CDKAL1: variants seen among roughly 807,000 people sequenced by gnomAD.
CDKAL1 encodes the protein threonylcarbamoyladenosine tRNA methylthiotransferase.
CDKAL1 carries 32 observed loss-of-function variants against 68.2 expected under a neutral mutation model. The ratio of observed to expected loss-of-function variants is 0.47; its 90% CI spans 0.35 to 0.63. CDKAL1 has a LOEUF of 0.63. Ranked by LOEUF, CDKAL1 falls within the 30% of genes least tolerant of loss-of-function variation. The pLI, the probability that CDKAL1 is intolerant of heterozygous loss-of-function variation, is 0.00. For missense variants in CDKAL1, 606 were observed against 696.7 expected (o/e 0.87, Z 1.47); for synonymous variants, 234 against 244.3 (o/e 0.96, Z 0.39).
intron 5 of CDKAL1, among the ~76,000 whole-genome samples, chr6:20,730,374 C>T (rs1468310704): frequency 7.3e-6 from 1 of 136,482 alleles, no homozygotes; most frequent in Non-Finnish European, 1.6e-5. Context: ...ATAGATGGAG[C>T]CCGACCCGAA....
chr6:21,171,703 T>C (rs531091424), intron 13 of CDKAL1, among the ~76,000 whole-genome samples: 269 of 152,282 alleles, frequency 1.8e-3, no homozygotes, highest in Non-Finnish European at 2.8e-3. Flanking sequence ...AAATACCTCA[T>C]ACTATAGATG....
intron 2 of CDKAL1, among the ~76,000 whole-genome samples, chr6:20,542,658 G>A (rs1210189368): frequency 1.3e-5 from 2 of 151,782 alleles, no homozygotes; most frequent in African/African-American, 4.9e-5. Flanking sequence ...AGAGATCCTT[G>A]TACACTTTAC....
At chr6:20,909,770 G>A (rs768626772) in intron 9 of CDKAL1, among the ~76,000 whole-genome samples, 4 of 152,128 alleles carry the variant, frequency 2.6e-5, no homozygotes, top group Non-Finnish European at 5.9e-5. Context: ...ACCTTCCTAG[G>A]TAGGCCTCAG....
intron 8 of CDKAL1, among the ~76,000 whole-genome samples, chr6:20,800,271 G>A (rs1335433878): frequency 6.6e-6 from 1 of 152,188 alleles, no homozygotes; most frequent in East Asian, 1.9e-4. Context: ...GCAACATAAA[G>A]AAACTAACTC....
chr6:20,876,055 AG>A (rs1263158363), intron 9 of CDKAL1, among the ~76,000 whole-genome samples: 3 of 152,270 alleles, frequency 2.0e-5, no homozygotes, highest in Non-Finnish European at 4.4e-5. Context: ...ATCTAACTGC[AG>A]ATTCAAAATT....
chr6:20,909,045 T>C (rs1485699422), intron 9 of CDKAL1, among the ~76,000 whole-genome samples: 2 of 152,252 alleles, frequency 1.3e-5, no homozygotes, highest in Non-Finnish European at 2.9e-5. Flanking sequence ...CATCCTTTTC[T>C]AATAAACTAT....
At chr6:20,675,579 A>G (rs188838540) in intron 5 of CDKAL1, among the ~76,000 whole-genome samples, 2 of 152,302 alleles carry the variant, frequency 1.3e-5, no homozygotes, top group Admixed American at 6.5e-5. Context: ...TATCATAGCA[A>G]TTGTAATGTT....
chr6:21,036,109 C>CT (rs1769572130), intron 11 of CDKAL1, among the ~76,000 whole-genome samples: 1 of 152,134 alleles, frequency 6.6e-6, no homozygotes, highest in African/African-American at 2.4e-5. Flanking sequence ...ATGCTTAATG[C>CT]TTTAACTTTG....
intron 15 of CDKAL1, among the ~76,000 whole-genome samples, chr6:21,204,050 A>G (rs1300701481): frequency 6.6e-6 from 1 of 152,194 alleles, no homozygotes. Context: ...TTGTGCTCAC[A>G]TGCAGCCTAA....
chr6:21,001,112 T>A (rs1767404521), intron 11 of CDKAL1, among the ~76,000 whole-genome samples: 1 of 152,252 alleles, frequency 6.6e-6, no homozygotes, highest in Admixed American at 6.5e-5. Context: ...TCTACATCAC[T>A]GTTCTCCCCT....
intron 4 of CDKAL1, among the ~76,000 whole-genome samples, chr6:20,639,613 A>G (rs1191159850): frequency 6.6e-6 from 1 of 152,228 alleles, no homozygotes; most frequent in Non-Finnish European, 1.5e-5. Context: ...GTCCAAATAA[A>G]GAAAAATAAA....
At chr6:20,578,933 G>A (rs1175463258) in intron 4 of CDKAL1, among the ~76,000 whole-genome samples, 1 of 152,168 alleles carries the variant, frequency 6.6e-6, no homozygotes, top group East Asian at 1.9e-4. Flanking sequence ...GTTACTGGGT[G>A]GGAAAGAAAG....
chr6:21,173,068 T>C (rs944572496), intron 13 of CDKAL1, among the ~76,000 whole-genome samples: 2 of 151,692 alleles, frequency 1.3e-5, no homozygotes, highest in Admixed American at 1.3e-4. Context: ...TCAGTATTAA[T>C]TTTTTGTAAA....
chr6:21,037,549 A>G (rs1769659545), intron 11 of CDKAL1, among the ~76,000 whole-genome samples: 1 of 152,216 alleles, frequency 6.6e-6, no homozygotes, highest in African/African-American at 2.4e-5. Flanking sequence ...AGCTTTCTGC[A>G]GTGATGGAAA....
At chr6:21,223,524 A>T (rs761547856) in intron 15 of CDKAL1, among the ~76,000 whole-genome samples, 1 of 152,172 alleles carries the variant, frequency 6.6e-6, no homozygotes, top group Non-Finnish European at 1.5e-5. Context: ...CAGGTACCAT[A>T]TTACAACTTA....
At chr6:20,728,611 A>G (rs1772762556) in intron 5 of CDKAL1, among the ~76,000 whole-genome samples, 1 of 152,178 alleles carries the variant, frequency 6.6e-6, no homozygotes, top group African/African-American at 2.4e-5. Flanking sequence ...CAGTAATGAC[A>G]CTGTCTTTAC....
intron 13 of CDKAL1, among the ~76,000 whole-genome samples, chr6:21,173,726 G>A (rs780684460): frequency 1.3e-5 from 2 of 152,156 alleles, no homozygotes; most frequent in Non-Finnish European, 2.9e-5. Flanking sequence ...AAAATCAACT[G>A]AAAAACTAAT....
chr6:20,789,428 A>G (rs1775808222), intron 8 of CDKAL1, among the ~76,000 whole-genome samples: 1 of 152,212 alleles, frequency 6.6e-6, no homozygotes, highest in Non-Finnish European at 1.5e-5. Context: ...ATGCTTTTAA[A>G]GAGAGCAGCT....
chr6:20,827,760 T>C (rs1464398039), intron 8 of CDKAL1, among the ~76,000 whole-genome samples: 1 of 152,204 alleles, frequency 6.6e-6, no homozygotes, highest in Non-Finnish European at 1.5e-5. Flanking sequence ...TATAAAGTCC[T>C]ACATGTCTTA....
Sources: allele counts gnomAD v4.1 joint callset (sites outside exome capture counted in the v4.1 genomes callset), GRCh38; gene constraint gnomAD v4.1.1; transcripts MANE v1.5; gene names NCBI Gene and HGNC (gene_info 2026-07-23, HGNC 2026-07-21).